PFKM: variants seen among roughly 807,000 people sequenced by gnomAD.
The protein encoded by PFKM is ATP-dependent 6-phosphofructokinase, muscle type.
Under a neutral mutation model 95.5 loss-of-function variants are expected in PFKM, and 58 were observed. That is an observed-to-expected ratio of 0.61 (90% CI 0.49 to 0.76). The LOEUF (loss-of-function observed/expected upper bound fraction) is 0.76, where lower values mean the gene tolerates loss of function less well. Among genes scored for constraint, PFKM ranks in the 30% least tolerant of loss-of-function variants. The pLI is 0.00. For missense variants in PFKM, 678 were observed against 1,005.4 expected, an observed-to-expected ratio of 0.67 and a Z score of 4.40; for synonymous variants, 336 against 357.2, an observed-to-expected ratio of 0.94 and a Z score of 0.67.
At chr12:48,110,581 A>C (rs537122792) in intron 3 of PFKM, among the ~76,000 whole-genome samples, 1 of 152,306 alleles carries the variant, frequency 6.6e-6, no homozygotes, top group East Asian at 1.9e-4. Flanking sequence ...CTGGTGCCCA[A>C]ACATAAAAAA....
At chr12:48,110,843 G>A (rs77942811) in intron 3 of PFKM, among the ~76,000 whole-genome samples, 9,135 of 152,202 alleles carry the variant, frequency 0.06, 360 homozygotes, top group Non-Finnish European at 0.093. Context: ...GTGTGTGTGT[G>A]GCCCATAGAG....
chr12:48,130,715 G>T (rs544074373), intron 3 of PFKM, among the ~76,000 whole-genome samples: 1 of 152,302 alleles, frequency 6.6e-6, no homozygotes, highest in East Asian at 1.9e-4. Flanking sequence ...AACAGAGAAA[G>T]AAATGGAAAT....
intron 2 of PFKM, chr12:48,125,188 A>G (rs1035823308): frequency 6.8e-6 from 2 of 293,296 alleles, no homozygotes; most frequent in African/African-American, 2.3e-5. Context: ...CGCCAAAACT[A>G]TGCTACCTTT....
Position 48,146,043 on chromosome 12 carries a change from CTACTACTTT to C in PFKM, c.*342_*350del. ...GTGATAACAAAGAGTCTTGGTTCCT[CTACTACTTT>C]TACTACAGTGACAAATTGTAACTAC... On this transcript the variant is annotated 3_prime_UTR_variant, in exon 23 of 23. Transcript: ENST00000359794. The C allele has an allele frequency of 3.2e-6, 1 of 317,014 alleles. No homozygotes were observed. The highest frequency in any genetic ancestry group is 7.1e-5 in the East Asian group (1 of 14,008). The allele number at this position is 317,014 out of a possible 1,614,324, so 19.6% of individuals were successfully genotyped here. A position where few individuals can be genotyped will look rare whatever the true frequency, so the allele number is the denominator to read the frequency against.
Position 48,141,829 on chromosome 12 carries a change from T to C in PFKM, c.1500+2T>C. 6.2e-7 allele frequency: 1 copy of C among 1,613,510 alleles called. No homozygotes were observed. Among genetic ancestry groups the C allele is most frequent in the Non-Finnish European group, 8.5e-7 (1 of 1,179,464 alleles). Reference sequence around the variant, plus strand: ...CTTGTCATCATTGGGGGCTTTGAGGTGAGTGCCTGCCACCATTTCTTCCTC... The same window carrying C: ...CTTGTCATCATTGGGGGCTTTGAGGCGAGTGCCTGCCACCATTTCTTCCTC... On this transcript the variant is annotated splice_donor_variant, in intron 16 of 22. Transcript: ENST00000359794. LOFTEE classifies it high-confidence loss of function.
chr12:48,117,802 G>A (rs115470531), upstream of PFKM, among the ~76,000 whole-genome samples: 1,200 of 152,230 alleles, frequency 7.9e-3, 29 homozygotes, highest in African/African-American at 0.027. Flanking sequence ...CAAGATGGTC[G>A]GGCCACAAGT....
intron 2 of PFKM, among the ~76,000 whole-genome samples, chr12:48,128,573 C>A (rs1386569300): frequency 6.6e-6 from 1 of 152,148 alleles, no homozygotes; most frequent in South Asian, 2.1e-4. Context: ...AGTATTTGTT[C>A]AGTGAACAAA....
Position 48,146,080 on chromosome 12 carries a change from T to C in PFKM, c.*372T>C, listed in dbSNP as rs1951021417. 3.7e-6 allele frequency: 1 copy of C among 268,312 alleles called. No individual in the cohort carries two copies. The highest frequency in any genetic ancestry group is 5.0e-5 in the Admixed American group (1 of 19,920). 16.6% of individuals were successfully genotyped at this position (268,312 alleles called of 1,614,324 possible). On this transcript the variant is annotated 3_prime_UTR_variant, in exon 23 of 23. Transcript: ENST00000359794. ...CTACAGTGACAAATTGTAACTACAC[T>C]AATAAATGCCAACTGGTCACTGTGC...
At chr12:48,127,177 C>T (rs564473479) in intron 2 of PFKM, among the ~76,000 whole-genome samples, 3 of 152,214 alleles carry the variant, frequency 2.0e-5, no homozygotes, top group Non-Finnish European at 4.4e-5. Context: ...GCTTCTAAGA[C>T]ATTGCTAAAT....
intron 10 of PFKM, 25 bp downstream of exon 10, chr12:48,135,408 T>C (rs1407639491): frequency 1.3e-6 from 2 of 1,547,046 alleles, no homozygotes; most frequent in Non-Finnish European, 1.8e-6. Context: ...TGTGTGGCCC[T>C]CATGCCTTGA....
At position 48,139,354 on chromosome 12, in the gene PFKM, G is replaced by C. The variant is rs771483013; in HGVS notation, c.1127+5G>C. The stretch of plus-strand genomic sequence containing the variant: ...AGCCCTGAAGCTGAGAGGCCGGTGA[G>C]GAGATGACGGGAAGCTCACTAGCTA... On this transcript the variant is annotated splice_donor_5th_base_variant and intron_variant, in intron 12 of 22. Transcript: ENST00000359794. The C allele has an allele frequency of 6.2e-7, 1 of 1,610,314 alleles. No homozygotes were observed. Among genetic ancestry groups the C allele is most frequent in the Admixed American group, 1.7e-5 (1 of 60,022 alleles).
At chr12:48,141,430 C>A in intron 15 of PFKM, 49 bp downstream of exon 15, 1 of 1,515,444 alleles carries the variant, frequency 6.6e-7, no homozygotes, top group Non-Finnish European at 9.2e-7. Flanking sequence ...CTTAAAGTTG[C>A]CCTTGGATGT....
rs374232727 is a variant in PFKM, at chr12:48,133,273, G to C, written c.428-42G>C. ...AGATATCTCCTCTTTAGGCATGCCA[G>C]GTGCCTCACCCAGTGGCTCCTGGTT... On this transcript the variant is annotated intron_variant, in intron 5 of 22. Coordinates refer to ENST00000359794, the MANE Select transcript of PFKM (RefSeq NM_000289.6). 1.3e-5 allele frequency: 20 copies of C among 1,571,878 alleles called. No individual in the cohort carries two copies. In the Admixed American group the frequency reaches 3.2e-4, roughly 25 times the overall value.
At chr12:48,110,331 G>A (rs1479332234) in intron 3 of PFKM, among the ~76,000 whole-genome samples, 3 of 152,168 alleles carry the variant, frequency 2.0e-5, no homozygotes, top group Admixed American at 6.5e-5. Flanking sequence ...AGGTCTTATG[G>A]ACACTTTTGA....
rs771535478 is a variant in PFKM, at chr12:48,145,598, C to T, written c.2233C>T (p.Leu745=). ...CCCCAAGGAACAGTGGTGGCTGAAA[C>T]TGAGGCCCATCCTCAAAATCCTAGC... is the stretch of plus-strand genomic sequence containing the variant. ...RIPKEQWWLK[L]RPILKILAKY... is the part of the protein sequence containing the mutation. The change falls in exon 23 of 23, where the codon CTG becomes TTG. Residue 745 remains leucine, a synonymous_variant. Coordinates refer to ENST00000359794, the MANE Select transcript of PFKM (RefSeq NM_000289.6). The surrounding 1 kb of genome is among the most constrained non-coding windows in gnomAD (Gnocchi z 4.3). The T allele has an allele frequency of 1.3e-5, 21 of 1,614,112 alleles. No individual in the cohort carries two copies. The South Asian group carries it at 2.2e-4, about 17-fold the overall frequency.
In PFKM at chr12:48,131,377, C is replaced by G; in HGVS notation, c.221C>G (p.Ser74Trp). Reference protein sequence around the residue: ...HIKEATWESVSMMLQLGGTVI... With the variant: ...HIKEATWESVWMMLQLGGTVI... ...AAGGAAGCCACCTGGGAGAGCGTTT[C>G]GATGATGCTTCAGCTGGTATGTTCC... is the stretch of plus-strand genomic sequence containing the variant. Residue 74 changes from serine to tryptophan, a missense_variant, in exon 4 of 23, where the codon TCG becomes TGG. Transcript: ENST00000359794. The G allele has an allele frequency of 1.2e-6, 2 of 1,611,632 alleles. No individual in the cohort carries two copies. Among genetic ancestry groups the G allele is most frequent in the Non-Finnish European group, 1.7e-6 (2 of 1,177,780 alleles).
Position 48,132,877 on chromosome 12 carries a change from G to T in PFKM, c.247G>T (p.Val83Leu). The T allele has an allele frequency of 1.2e-6, 2 of 1,612,622 alleles. No homozygotes were observed. The highest frequency in any genetic ancestry group is 8.5e-7 in the Non-Finnish European group (1 of 1,179,254). ...TCTACCTCTTCCAAAGGGAGGCACG[G>T]TGATTGGAAGTGCCCGGTGCAAGGA... ...VSMMLQLGGTVIGSARCKDFR... is the reference protein window; with the variant it reads ...VSMMLQLGGTLIGSARCKDFR... Residue 83 changes from valine to leucine, a missense_variant, in exon 5 of 23, where the codon GTG becomes TTG. Physicochemically the swap from Val to Leu is conservative, Grantham distance 32. Coordinates refer to ENST00000359794, the MANE Select transcript of PFKM (RefSeq NM_000289.6).
intron 10 of PFKM, 42 bp from the exon 11 acceptor site, chr12:48,137,679 G>A (rs1242636572): frequency 1.9e-6 from 3 of 1,613,578 alleles, no homozygotes; most frequent in Non-Finnish European, 8.5e-7. Context: ...CCAAGATGGG[G>A]CAGCCTGAGC....
At chr12:48,143,866 T>G (rs557771698) in intron 19 of PFKM, 52 bp downstream of exon 19, 1 of 1,451,450 alleles carries the variant, frequency 6.9e-7, no homozygotes, top group Non-Finnish European at 9.7e-7. Flanking sequence ...AAGCTTTGGC[T>G]CAAACCCATA....
Sources: gnomAD v4.1 joint callset for allele counts (sites outside exome capture counted in the v4.1 genomes callset) on GRCh38, gnomAD v4.1.1 for gene constraint, Gnocchi (gnomAD v3.1) non-coding constraint, MANE v1.5 for transcripts, NCBI Gene and HGNC (gene_info 2026-07-23, HGNC 2026-07-21) for gene names.